Variants in JAKMIP3 observed in about 807,000 individuals in gnomAD.
The protein encoded by JAKMIP3 is Janus kinase and microtubule interacting protein 3, also known as janus kinase and microtubule-interacting protein 3.
Under a neutral mutation model 118.5 loss-of-function variants are expected in JAKMIP3, and 58 were observed. That is an observed-to-expected ratio of 0.49 (90% CI 0.40 to 0.61). The LOEUF (loss-of-function observed/expected upper bound fraction) is 0.61, where lower values mean the gene tolerates loss of function less well. Among genes scored for constraint, JAKMIP3 ranks in the 20% least tolerant of loss-of-function variants. The pLI is 0.00. For synonymous variants in JAKMIP3, 486 were observed against 451.2 expected, an observed-to-expected ratio of 1.08 and a Z score of -0.98; for missense variants, 950 against 1,109.0, an observed-to-expected ratio of 0.86 and a Z score of 2.04.
At chr10:132,055,780 C>A (rs576613190) in intron 1 of JAKMIP3, among the ~76,000 whole-genome samples, 4 of 152,208 alleles carry the variant, frequency 2.6e-5, no homozygotes, top group Non-Finnish European at 4.4e-5. Flanking sequence ...TTGCCTCCCC[C>A]GGGGTTTGTG....
At chr10:132,164,312 G>C (rs762575635) in intron 20 of JAKMIP3, among the ~76,000 whole-genome samples, 1 of 152,216 alleles carries the variant, frequency 6.6e-6, no homozygotes, top group Non-Finnish European at 1.5e-5. Flanking sequence ...GGCTCTCTCT[G>C]TGCCCAGCTC....
intron 1 of JAKMIP3, among the ~76,000 whole-genome samples, chr10:132,071,936 CT>C (rs1370672345): frequency 1.5e-5 from 2 of 136,114 alleles, no homozygotes; most frequent in Non-Finnish European, 3.2e-5. Flanking sequence ...CCTTTCTTTC[CT>C]TTTTTTCCTT....
rs1256205471 is a variant in JAKMIP3 at position 132,168,607 on chromosome 10, C to T, written c.*677C>T. 4.0e-5 allele frequency: 14 copies of T among 353,834 alleles called. No homozygotes were observed. The highest frequency in any genetic ancestry group is 1.6e-4 in the East Asian group (2 of 12,278). 21.9% of individuals were successfully genotyped at this position (353,834 alleles called of 1,614,324 possible). A position where few individuals can be genotyped will look rare whatever the true frequency, so the allele number is the denominator to read the frequency against. On this transcript the variant is annotated 3_prime_UTR_variant, in exon 23 of 24. Transcript: ENST00000684848. ...GACAAGAGCCGTGGCCGCCGCGGGCCGCGTGGTGCCATCAACCCTCTGCCT... is the reference window on the plus strand; with the variant it reads ...GACAAGAGCCGTGGCCGCCGCGGGCTGCGTGGTGCCATCAACCCTCTGCCT...
At chr10:132,102,562 C>T (rs1172449044) in intron 1 of JAKMIP3, among the ~76,000 whole-genome samples, 1 of 152,254 alleles carries the variant, frequency 6.6e-6, no homozygotes, top group African/African-American at 2.4e-5. Context: ...GAGACGTGCC[C>T]AGCCTCTTCC....
chr10:132,131,076 G>C (rs1157969213), intron 3 of JAKMIP3, among the ~76,000 whole-genome samples: 2 of 152,064 alleles, frequency 1.3e-5, no homozygotes, highest in Non-Finnish European at 2.9e-5. Flanking sequence ...CTGTCCTGGA[G>C]AGTACCGTCT....
upstream of JAKMIP3, among the ~76,000 whole-genome samples, chr10:132,061,027 GA>G (rs557838888): frequency 3.3e-5 from 5 of 150,274 alleles, no homozygotes; most frequent in African/African-American, 7.3e-5. Context: ...TCCATCTCAA[GA>G]AAAAAAAATA....
At chr10:132,124,185 C>T (rs1366816847) in intron 3 of JAKMIP3, among the ~76,000 whole-genome samples, 2 of 152,232 alleles carry the variant, frequency 1.3e-5, no homozygotes, top group Non-Finnish European at 2.9e-5. Context: ...AGCAGGATTG[C>T]CCCTCCCGGC....
At chr10:132,076,236 T>G (rs2040768029) in intron 1 of JAKMIP3, among the ~76,000 whole-genome samples, 1 of 152,226 alleles carries the variant, frequency 6.6e-6, no homozygotes, top group Admixed American at 6.5e-5. Context: ...TTCTGCACCT[T>G]TCACATAAAT....
At chr10:132,137,173 CG>C in intron 7 of JAKMIP3, 23 bp downstream of exon 7, 1 of 1,613,720 alleles carries the variant, frequency 6.2e-7, no homozygotes, top group Non-Finnish European at 8.5e-7. Flanking sequence ...CTGTTTGCTG[CG>C]GCCCCGTCCT....
At chr10:132,100,718 C>CTCGGA (rs959839592) in intron 1 of JAKMIP3, among the ~76,000 whole-genome samples, 4 of 152,174 alleles carry the variant, frequency 2.6e-5, no homozygotes, top group African/African-American at 9.7e-5. Flanking sequence ...GGTGCGGAGC[C>CTCGGA]TCCCAGCCGC....
intron 1 of JAKMIP3, among the ~76,000 whole-genome samples, chr10:132,039,732 T>C (rs372011953): frequency 2.6e-5 from 4 of 152,160 alleles, no homozygotes; most frequent in African/African-American, 7.2e-5. Context: ...CCAGCAAAGG[T>C]CTTGAAGATG....
At chr10:132,159,621 TCCTCTTCCTTTGTGATGCTGGGGGG>T (rs779364261) in intron 19 of JAKMIP3, among the ~76,000 whole-genome samples, 764 of 38,730 alleles carry the variant, frequency 0.02, 6 homozygotes, top group Non-Finnish European at 0.027. Context: ...ATGCTGGGGG[TCCTCTTCCTTTGTGATGCTGGGGGG>T]CCTCTCCCTG....
rs1432755626 is a variant in JAKMIP3 at position 132,180,648 on chromosome 10, T to TGG, written c.*1104-1708_*1104-1707insGG. 1.2e-4 allele frequency among the ~76,000 whole-genome samples: 3 copies of TGG among 25,132 alleles called. No individual in the cohort carries two copies. The East Asian group carries it at 6.9e-3, about 58-fold the overall frequency. The allele number at this position is 25,132 out of a possible 152,430, so 16.5% of individuals were successfully genotyped here. On this transcript the variant is annotated intron_variant, in intron 23 of 23. Transcript: ENST00000684848. Reference sequence around the variant, plus strand: ...GTGCGTGTGTGCGTGCGTGTGTGCGTGTGCGTGTGCGTGTGTGCGTGTGTG... The same window carrying TGG: ...GTGCGTGTGTGCGTGCGTGTGTGCGTGGGTGCGTGTGCGTGTGTGCGTGTGTG...
chr10:132,051,180 T>A (rs552637881), intron 1 of JAKMIP3, among the ~76,000 whole-genome samples: 27 of 151,002 alleles, frequency 1.8e-4, no homozygotes, highest in African/African-American at 6.3e-4. Context: ...GCCATTCTGG[T>A]GGGTGGGTAC....
chr10:132,080,503 A>ATTTTTTTTTTTTTTTTTTTT (rs201838731), intron 1 of JAKMIP3, among the ~76,000 whole-genome samples: 1 of 61,580 alleles, frequency 1.6e-5, no homozygotes, highest in Non-Finnish European at 2.9e-5. Flanking sequence ...AAGTTATAGG[A>ATTTTTTTTTTTTTTTTTTTT]TTTTTTTTTT....
At chr10:132,144,619 C>G (rs937609724) in intron 11 of JAKMIP3, 1 of 153,284 alleles carries the variant, frequency 6.5e-6, no homozygotes, top group Non-Finnish European at 1.5e-5. Flanking sequence ...TCTCTTGCTT[C>G]AAATAAGCCT....
intron 3 of JAKMIP3, among the ~76,000 whole-genome samples, chr10:132,125,266 A>C (rs999953042): frequency 6.7e-6 from 1 of 149,154 alleles, no homozygotes; most frequent in Non-Finnish European, 1.5e-5. Flanking sequence ...GGATGGATTG[A>C]GTTGGATATC....
At chr10:132,040,356 C>T (rs2037694804) in intron 1 of JAKMIP3, among the ~76,000 whole-genome samples, 2 of 152,178 alleles carry the variant, frequency 1.3e-5, no homozygotes, top group Admixed American at 1.3e-4. Context: ...TGGTCTGTGG[C>T]ATATTGTGAT....
At chr10:132,145,223 G>T (rs991542047) in intron 12 of JAKMIP3, 33 bp downstream of exon 12, 1 of 1,527,062 alleles carries the variant, frequency 6.5e-7, no homozygotes, top group Non-Finnish European at 9.0e-7. Flanking sequence ...GGGCGTGGGG[G>T]CACACGTGGG....
Sources: allele counts gnomAD v4.1 joint callset (sites outside exome capture counted in the v4.1 genomes callset), GRCh38; gene constraint gnomAD v4.1.1; transcripts MANE v1.5; gene names NCBI Gene and HGNC (gene_info 2026-07-23, HGNC 2026-07-21).